The following TPM4 variants were observed in gnomAD, a reference collection of about 807,000 sequenced individuals.
TPM4 encodes tropomyosin 4.
A neutral mutation model predicts 35.8 loss-of-function variants in TPM4; 17 were observed. That is an observed-to-expected ratio of 0.47 (90% CI 0.32 to 0.71). The LOEUF is 0.71. Among genes scored for constraint, TPM4 ranks in the 30% least tolerant of loss-of-function variants. TPM4 has a pLI of 0.03. For missense variants in TPM4, 240 were observed against 320.9 expected (o/e 0.75, Z 1.93); for synonymous variants, 120 against 122.9 (o/e 0.98, Z 0.15).
At chr19:16,095,373 CCTT>C (rs1176630022) in intron 7 of TPM4, 4 of 1,034,586 alleles carry the variant, frequency 3.9e-6, no homozygotes, top group African/African-American at 1.7e-5. Context: ...TGCCCTCTGT[CCTT>C]CTCACATGGT....
intron 1 of TPM4, chr19:16,080,313 G>A (rs925810369): frequency 4.8e-5 from 10 of 208,212 alleles, no homozygotes; most frequent in Non-Finnish European, 4.9e-5. Flanking sequence ...CTGTAAAATG[G>A]GTGCGATGTG....
At chr19:16,094,660 G>A (rs1430963609) in intron 7 of TPM4, among the ~76,000 whole-genome samples, 1 of 150,630 alleles carries the variant, frequency 6.6e-6, no homozygotes, top group Admixed American at 6.6e-5. Flanking sequence ...GCTTATCATA[G>A]TATTTAAAAA....
At chr19:16,090,296 T>C (rs2090609867) in intron 5 of TPM4, among the ~76,000 whole-genome samples, 2 of 151,922 alleles carry the variant, frequency 1.3e-5, no homozygotes, top group South Asian at 4.1e-4. Context: ...ATTTTTTTTT[T>C]TTTTTTTATA....
intron 3 of TPM4, 31 bp from the exon 4 acceptor site, chr19:16,087,996 C>A: frequency 6.3e-7 from 1 of 1,592,082 alleles, no homozygotes; most frequent in Non-Finnish European, 8.5e-7. Context: ...TGGTGGGGAT[C>A]GGGCTCAGCT....
At position 16,082,032 on chromosome 19, in the gene TPM4, AG is replaced by A. The variant is rs1266853857; in HGVS notation, c.253del (p.Asp85MetfsTer7). 1 of 1,609,196 alleles carries A rather than the reference AG, an allele frequency of 6.2e-7. No homozygotes were observed. On this transcript the variant is annotated frameshift_variant, in exon 2 of 8. Transcript: ENST00000643579. LOFTEE classifies it high-confidence loss of function. ...AGCTGGAGGAGGCAGAAAAAGCTGC[AG>A]ATGAGAGTGAGAGGTAAGGACGCTT... ...QKLEEAEKAA[D>X]ESERGMKVIE...
intron 6 of TPM4, 32 bp from the exon 7 acceptor site, chr19:16,093,652 G>C (rs961465511): frequency 1.2e-6 from 2 of 1,614,106 alleles, no homozygotes; most frequent in Non-Finnish European, 1.7e-6. Flanking sequence ...TGGTCTTGAA[G>C]CCATGATAGT....
chr19:16,083,746 A>G (rs2090514428), intron 2 of TPM4, among the ~76,000 whole-genome samples: 2 of 147,258 alleles, frequency 1.4e-5, no homozygotes, highest in African/African-American at 5.2e-5. Flanking sequence ...ACACCTCCCA[A>G]AGATTCATTT....
chr19:16,081,270 T>G, intron 1 of TPM4: 1 of 393,354 alleles, frequency 2.5e-6, no homozygotes. Flanking sequence ...AGAGCCTATC[T>G]TAGATCTTAG....
chr19:16,074,845 A>C (rs984075402), upstream of TPM4: 1 of 152,320 alleles, frequency 6.6e-6, no homozygotes, highest in African/African-American at 2.4e-5. Flanking sequence ...CAATCCCAGC[A>C]ATTTGGGAGG....
At chr19:16,074,978 G>C (rs1257567507), upstream of TPM4, 3 of 152,368 alleles carry the variant, frequency 2.0e-5, no homozygotes, top group East Asian at 1.9e-4. Flanking sequence ...TGTAGTACCA[G>C]CTACCGGGGA....
At position 16,076,549 on chromosome 19, in the gene TPM4, C is replaced by T. The variant is rs928576835; in HGVS notation, c.-17C>T. 3 of 1,450,996 alleles carry T rather than the reference C, an allele frequency of 2.1e-6. No homozygotes were observed. Among genetic ancestry groups the T allele is most frequent in the Admixed American group, 2.6e-5 (1 of 38,752 alleles). The allele number at this position is 1,450,996 out of a possible 1,614,324, so 89.9% of individuals were successfully genotyped here. ...CGAGCGTCCGCCGCTGCCCGTGCGC[C>T]TCTGCGCCTCCGCGCCATGGCCGGC... On this transcript the variant is annotated 5_prime_UTR_variant, in exon 1 of 8. Transcript: ENST00000643579.
chr19:16,079,623 GT>G, intron 1 of TPM4: 1 of 220,990 alleles, frequency 4.5e-6, no homozygotes, highest in East Asian at 6.6e-5. Context: ...TATTTGTGTA[GT>G]TTTTCGGCCA....
At chr19:16,073,357 G>A (rs1252244319), upstream of TPM4, among the ~76,000 whole-genome samples, 4 of 152,204 alleles carry the variant, frequency 2.6e-5, no homozygotes, top group Non-Finnish European at 5.9e-5. Context: ...GGTGGATGCT[G>A]TAGGTCAGGG....
At chr19:16,095,138 T>C (rs1324356538) in intron 7 of TPM4, 2 of 433,186 alleles carry the variant, frequency 4.6e-6, no homozygotes, top group Non-Finnish European at 6.3e-6. Flanking sequence ...TTTCTCCTAG[T>C]CTGTGCTTTG....
In TPM4 at chr19:16,086,549, G is replaced by T. The variant is rs1461057652; in HGVS notation, c.384+9G>T. 1 of 1,607,826 alleles carries T rather than the reference G, an allele frequency of 6.2e-7. No homozygotes were observed. Among genetic ancestry groups the T allele is most frequent in the Admixed American group, 1.7e-5 (1 of 59,372 alleles). On this transcript the variant is annotated intron_variant, in intron 3 of 7. Coordinates refer to ENST00000643579, the MANE Select transcript of TPM4 (RefSeq NM_003290.3). ...ACCGCAAATACGAGGAGGTGAGTGGGGCTGGCAGATGGCGCAGCAGCAGGA... is the reference window on the plus strand; with the variant it reads ...ACCGCAAATACGAGGAGGTGAGTGGTGCTGGCAGATGGCGCAGCAGCAGGA...
intron 7 of TPM4, among the ~76,000 whole-genome samples, chr19:16,099,070 C>CTGTGTGTGTGTG (rs3222768): frequency 3.6e-5 from 4 of 109,748 alleles, no homozygotes; most frequent in African/African-American, 7.6e-5. Context: ...TCACTTGACT[C>CTGTGTGTGTGTG]TGTGTGTGTG....
intron 7 of TPM4, chr19:16,099,731 A>G (rs2090742765): frequency 6.6e-6 from 1 of 152,110 alleles, no homozygotes; most frequent in Non-Finnish European, 1.5e-5. Context: ...ATCAGCCATC[A>G]CTTACTGCAA....
At chr19:16,078,090 GCCCT>G (rs1266230235) in intron 1 of TPM4, 1 of 398,544 alleles carries the variant, frequency 2.5e-6, no homozygotes, top group Admixed American at 4.4e-5. Flanking sequence ...TGTTTTCTCT[GCCCT>G]GGGAAGAGCT....
At chr19:16,092,479 A>G (rs1029925006) in intron 5 of TPM4, among the ~76,000 whole-genome samples, 3 of 150,836 alleles carry the variant, frequency 2.0e-5, no homozygotes, top group African/African-American at 7.3e-5. Context: ...CATCCTCCAC[A>G]TTTCACACAT....
Sources: allele counts gnomAD v4.1 joint callset (sites outside exome capture counted in the v4.1 genomes callset), GRCh38; gene constraint gnomAD v4.1.1; transcripts MANE v1.5; gene names NCBI Gene and HGNC (gene_info 2026-07-23, HGNC 2026-07-21).